The following DCC variants were observed in gnomAD, a reference collection of about 807,000 sequenced individuals.
The protein encoded by DCC is netrin receptor DCC.
Under a neutral mutation model 172.5 loss-of-function variants are expected in DCC, and 58 were observed. That is an observed-to-expected ratio of 0.34 (90% CI 0.27 to 0.42). The LOEUF is 0.42. DCC is among the 10% of genes least tolerant of loss of function. DCC has a pLI of 1.00. For missense variants in DCC, 1,740 were observed against 1,791.0 expected (o/e 0.97, Z 0.51); for synonymous variants, 709 against 644.5 (o/e 1.10, Z -1.52).
chr18:53,320,367 C>A (rs765613357), intron 13 of DCC, among the ~76,000 whole-genome samples: 7 of 152,076 alleles, frequency 4.6e-5, no homozygotes, highest in African/African-American at 1.2e-4. Context: ...CCACCGCGCC[C>A]GGCCAAGAGT....
chr18:52,467,766 T>TG (rs1207926291), intron 1 of DCC, among the ~76,000 whole-genome samples: 1 of 152,180 alleles, frequency 6.6e-6, no homozygotes, highest in Non-Finnish European at 1.5e-5. Context: ...GGTATCTCAT[T>TG]GGGGGTTTGA....
At chr18:53,349,640 T>C (rs1363395682) in intron 15 of DCC, among the ~76,000 whole-genome samples, 1 of 152,194 alleles carries the variant, frequency 6.6e-6, no homozygotes, top group African/African-American at 2.4e-5. Context: ...CTCACAATCA[T>C]AGCTGAAGGC....
intron 11 of DCC, 102 bp from the exon 12 acceptor site, chr18:53,215,446 T>C: frequency 1.0e-6 from 1 of 968,484 alleles, no homozygotes; most frequent in Middle Eastern, 2.1e-4. Context: ...ATTATCATTA[T>C]AAACTATATA....
intron 7 of DCC, among the ~76,000 whole-genome samples, chr18:53,078,741 T>C (rs1568289245): frequency 6.6e-6 from 1 of 152,292 alleles, no homozygotes; most frequent in East Asian, 1.9e-4. Context: ...GACAAATATA[T>C]ACCAAGAATC....
At chr18:52,609,166 C>G (rs1490583545) in intron 1 of DCC, among the ~76,000 whole-genome samples, 1 of 152,034 alleles carries the variant, frequency 6.6e-6, no homozygotes, top group African/African-American at 2.4e-5. Flanking sequence ...TATGCTTTGC[C>G]TCTTTTGCCG....
At chr18:53,201,458 C>A (rs2055536185) in intron 9 of DCC, among the ~76,000 whole-genome samples, 1 of 152,138 alleles carries the variant, frequency 6.6e-6, no homozygotes, top group South Asian at 2.1e-4. Context: ...CATTCAGTCT[C>A]AATGTTCTCG....
intron 7 of DCC, among the ~76,000 whole-genome samples, chr18:53,114,180 AATACC>A: frequency 6.6e-6 from 1 of 151,570 alleles, no homozygotes; most frequent in Non-Finnish European, 1.5e-5. Context: ...AGTCATTTAT[AATACC>A]AGTTAGCATT....
chr18:52,502,734 G>A (rs1467076113), intron 1 of DCC, among the ~76,000 whole-genome samples: 1 of 152,104 alleles, frequency 6.6e-6, no homozygotes, highest in Non-Finnish European at 1.5e-5. Context: ...TGCCTACACA[G>A]CACAAGTCAG....
chr18:52,473,140 G>C (rs1291574926), intron 1 of DCC, among the ~76,000 whole-genome samples: 1 of 152,122 alleles, frequency 6.6e-6, no homozygotes, highest in Non-Finnish European at 1.5e-5. Context: ...GCTTATTTCT[G>C]CCTGCTCATG....
rs1344711792 is a variant in DCC, at chr18:52,807,204, A to G, written c.412+54830A>G. ...GCGAGACTGTCTCAAAAAAATTCAG[A>G]GTTAAGGTGGAGTGGTACTTTACCT... On this transcript the variant is annotated intron_variant, in intron 2 of 28. Coordinates refer to ENST00000442544, the MANE Select transcript of DCC (RefSeq NM_005215.4). Among the ~76,000 whole-genome samples, 6 of 152,104 alleles carry G rather than the reference A, an allele frequency of 3.9e-5. No homozygotes were observed. The East Asian group carries it at 9.7e-4, about 24-fold the overall frequency.
chr18:52,457,335 A>G (rs1357526951), intron 1 of DCC, among the ~76,000 whole-genome samples: 1 of 152,196 alleles, frequency 6.6e-6, no homozygotes, highest in East Asian at 1.9e-4. Context: ...TTTGGAGTTT[A>G]TTATTCAGTA....
At chr18:52,368,954 C>A (rs1421735509) in intron 1 of DCC, among the ~76,000 whole-genome samples, 1 of 152,172 alleles carries the variant, frequency 6.6e-6, no homozygotes, top group East Asian at 1.9e-4. Context: ...TGTTGATCCT[C>A]CATGTGGTGA....
At chr18:53,189,657 T>C (rs912784656) in intron 9 of DCC, among the ~76,000 whole-genome samples, 17 of 152,228 alleles carry the variant, frequency 1.1e-4, no homozygotes, top group African/African-American at 4.1e-4. Flanking sequence ...GCTATGCTCT[T>C]ACCTTCTTCA....
chr18:53,240,213 A>T (rs2056273283), intron 12 of DCC, among the ~76,000 whole-genome samples: 1 of 152,078 alleles, frequency 6.6e-6, no homozygotes, highest in Admixed American at 6.6e-5. Context: ...AAAGGGGAAG[A>T]AAAATCAGAT....
chr18:52,538,810 G>A (rs1032036005), intron 1 of DCC, among the ~76,000 whole-genome samples: 18 of 152,100 alleles, frequency 1.2e-4, no homozygotes, highest in Admixed American at 3.3e-4. Context: ...TTCTGCAGCA[G>A]AAGTTATCTG....
At chr18:52,653,198 G>C (rs2035176307) in intron 1 of DCC, among the ~76,000 whole-genome samples, 1 of 152,134 alleles carries the variant, frequency 6.6e-6, no homozygotes, top group African/African-American at 2.4e-5. Flanking sequence ...AGACATTTTT[G>C]ATGGCATGAA....
At chr18:52,976,391 C>T (rs1461696307) in intron 5 of DCC, among the ~76,000 whole-genome samples, 1 of 152,056 alleles carries the variant, frequency 6.6e-6, no homozygotes, top group African/African-American at 2.4e-5. Context: ...GTTGCAATTG[C>T]TTCTGGTGTC....
At chr18:53,379,433 G>A (rs1254506415) in intron 15 of DCC, among the ~76,000 whole-genome samples, 1 of 152,188 alleles carries the variant, frequency 6.6e-6, no homozygotes, top group East Asian at 1.9e-4. Context: ...GTTCTCCCCA[G>A]CTTTTGTCGC....
At chr18:52,495,670 C>A (rs1219863548) in intron 1 of DCC, among the ~76,000 whole-genome samples, 1 of 152,064 alleles carries the variant, frequency 6.6e-6, no homozygotes, top group Admixed American at 6.6e-5. Flanking sequence ...AGTAAATCAT[C>A]TTAAGGGTGT....
Sources: allele counts gnomAD v4.1 joint callset (sites outside exome capture counted in the v4.1 genomes callset), GRCh38; gene constraint gnomAD v4.1.1; transcripts MANE v1.5; gene names NCBI Gene and HGNC (gene_info 2026-07-23, HGNC 2026-07-21).